The following NCAPD2 variants were observed in gnomAD, a reference collection of about 807,000 sequenced individuals.
The protein encoded by NCAPD2 is condensin complex subunit 1.
NCAPD2 carries 100 observed loss-of-function variants against 164.5 expected under a neutral mutation model. The observed-to-expected ratio is 0.61, with a 90% confidence interval of 0.52 to 0.72. The LOEUF (loss-of-function observed/expected upper bound fraction) is 0.72. Among genes scored for constraint, NCAPD2 ranks in the 30% least tolerant of loss-of-function variants. The pLI, the probability that NCAPD2 is intolerant of heterozygous loss-of-function variation, is 0.00. For synonymous variants in NCAPD2, 585 were observed against 642.6 expected (o/e 0.91, Z 1.36); for missense variants, 1,560 against 1,749.2 (o/e 0.89, Z 1.93).
chr12:6,503,135 G>A (rs1272087769), intron 2 of NCAPD2, among the ~76,000 whole-genome samples: 2 of 151,352 alleles, frequency 1.3e-5, no homozygotes, highest in Non-Finnish European at 2.9e-5. Context: ...GATTACAGGC[G>A]TGAGCCACCA....
intron 2 of NCAPD2, among the ~76,000 whole-genome samples, chr12:6,497,341 A>AGTTT (rs1945993704): frequency 2.0e-5 from 3 of 151,214 alleles, no homozygotes; most frequent in Admixed American, 2.0e-4. Flanking sequence ...AGGATGTGCA[A>AGTTT]GTTTGTTACA....
Position 6,526,309 on chromosome 12 carries a change from C to G in NCAPD2, c.2504C>G (p.Pro835Arg), listed in dbSNP as rs1290527575. ...RRKPSLGKRHPPFRLPQEHRL... is the reference protein window; with the variant it reads ...RRKPSLGKRHRPFRLPQEHRL... ...CAGCCTTCTCTGGGCAAACGTCACCCCCCCTTCCGGCTGCCTCAGGAACAC... is the reference window on the plus strand; with the variant it reads ...CAGCCTTCTCTGGGCAAACGTCACCGCCCCTTCCGGCTGCCTCAGGAACAC... Residue 835 changes from proline (P) to arginine (R), a missense_variant, in exon 20 of 32, where the codon CCC (proline) becomes CGC (arginine). Coordinates refer to ENST00000315579, the MANE Select transcript of NCAPD2 (RefSeq NM_014865.4). 6.2e-7 allele frequency: 1 copy of G among 1,614,196 alleles called. No homozygotes were observed. The highest frequency in any genetic ancestry group is 8.5e-7 in the Non-Finnish European group (1 of 1,180,030).
Position 6,528,711 on chromosome 12 carries a change from C to T in NCAPD2, c.3332C>T (p.Thr1111Ile), listed in dbSNP as rs1364339867. 2.5e-6 allele frequency: 4 copies of T among 1,613,866 alleles called. No individual in the cohort carries two copies. The highest frequency in any genetic ancestry group is 2.2e-5 in the South Asian group (2 of 91,088). ...GACCCTGCTCAGCAAGTGCGGAAAA[C>T]AGCGGGGCTGGTGATGACCCACCTG... The part of the protein sequence containing the change: ...LRDPAQQVRK[T>I]AGLVMTHLIL... The change falls in exon 26 of 32, where the codon ACA becomes ATA. Residue 1111 changes from threonine to isoleucine, a missense_variant. Transcript: ENST00000315579. This position sits in a 1 kb window ranked among gnomAD's most constrained non-coding sequence, Gnocchi z 5.1.
chr12:6,514,344 A>G lies in NCAPD2; in HGVS notation c.667A>G (p.Ile223Val). Residue 223 changes from isoleucine to valine, a missense_variant, in exon 7 of 32, where the codon ATA becomes GTA. Coordinates refer to ENST00000315579, the MANE Select transcript of NCAPD2 (RefSeq NM_014865.4). The stretch of plus-strand genomic sequence containing the variant: ...GAAGAACCGCCCCACTCGGGAAGCC[A>G]TAACACACCTGCTTGGTGTAGCCTT... The part of the protein sequence containing the change: ...HQKNRPTREA[I>V]THLLGVALTR... 6.8e-6 allele frequency: 11 copies of G among 1,614,228 alleles called. No individual in the cohort carries two copies. The highest frequency in any genetic ancestry group is 1.3e-5 in the African/African-American group (1 of 75,048).
intron 2 of NCAPD2, among the ~76,000 whole-genome samples, chr12:6,509,014 A>T (rs1472968273): frequency 6.6e-6 from 1 of 152,120 alleles, no homozygotes; most frequent in Admixed American, 6.6e-5. Flanking sequence ...GAGGAAGGAG[A>T]CCTGACAACT....
At chr12:6,502,469 C>T (rs956625868) in intron 2 of NCAPD2, among the ~76,000 whole-genome samples, 11 of 152,118 alleles carry the variant, frequency 7.2e-5, no homozygotes, top group African/African-American at 2.4e-4. Flanking sequence ...ATGAGTTTAA[C>T]GTAAGACTAG....
intron 4 of NCAPD2, 41 bp downstream of exon 4, chr12:6,510,174 T>C (rs1239691200): frequency 1.3e-6 from 2 of 1,547,268 alleles, no homozygotes; most frequent in Non-Finnish European, 1.8e-6. Flanking sequence ...AGGTGTTTGT[T>C]ATCGTTTGTT....
rs1322519586 is a variant in NCAPD2 at position 6,514,393 on chromosome 12, G to A, written c.715+1G>A. On this transcript the variant is annotated splice_donor_variant, in intron 7 of 31. Coordinates refer to ENST00000315579, the MANE Select transcript of NCAPD2 (RefSeq NM_014865.4). LOFTEE classifies it high-confidence loss of function. ...TTGACCCGTTATAACCATATGCTCA[G>A]TAAGTTACCAGTCGCTTTGCCCCGC... 2.5e-6 allele frequency: 4 copies of A among 1,614,062 alleles called. No individual in the cohort carries two copies. The Admixed American group carries it at 5.0e-5, about 20-fold the overall frequency.
At chr12:6,524,648 CAAAAAAAAAA>C (rs35443041) in intron 17 of NCAPD2, among the ~76,000 whole-genome samples, 64 of 66,576 alleles carry the variant, frequency 9.6e-4, no homozygotes, top group African/African-American at 3.5e-3. Context: ...GACTCTGTCT[CAAAAAAAAAA>C]AAAAAAAAAA....
chr12:6,511,347 G>A (rs944336205), intron 6 of NCAPD2, 95 bp downstream of exon 6: 13 of 1,389,830 alleles, frequency 9.4e-6, no homozygotes, highest in Admixed American at 2.2e-5. Flanking sequence ...TTTTTTTTGT[G>A]GGGGGACAGA....
chr12:6,524,696 A>C (rs1369501027), intron 17 of NCAPD2, among the ~76,000 whole-genome samples: 1 of 151,546 alleles, frequency 6.6e-6, no homozygotes, highest in Non-Finnish European at 1.5e-5. Flanking sequence ...TAAAGTTGTG[A>C]ATGTAGGTTG....
In NCAPD2 at chr12:6,500,006, C is replaced by G. The variant is rs141813267; in HGVS notation, c.127+4781C>G. ...GGCGTGGTGGTGCACACCTGTAGTT[C>G]CAGCTACTTGGGAGGCTGGGGTGGG... On this transcript the variant is annotated intron_variant, in intron 2 of 31. Coordinates refer to ENST00000315579, the MANE Select transcript of NCAPD2 (RefSeq NM_014865.4). Among the ~76,000 whole-genome samples, 1,056 of 152,220 alleles carry G rather than the reference C, an allele frequency of 6.9e-3. 11 individuals are homozygous for G. The highest frequency in any genetic ancestry group is 0.024 in the African/African-American group (1,000 of 41,532).
intron 13 of NCAPD2, among the ~76,000 whole-genome samples, chr12:6,518,516 T>TGTTG (rs1204120574): frequency 9.1e-6 from 1 of 110,418 alleles, no homozygotes; most frequent in South Asian, 3.5e-4. Flanking sequence ...TTTTTTTTTT[T>TGTTG]TTTTTTTTTT....
intron 2 of NCAPD2, among the ~76,000 whole-genome samples, chr12:6,501,255 T>TTC (rs1946032982): frequency 2.2e-5 from 2 of 89,432 alleles, no homozygotes; most frequent in Admixed American, 2.5e-4. Flanking sequence ...TTTTTTTTTT[T>TTC]TTTTAGGCAG....
At position 6,521,876 on chromosome 12, in the gene NCAPD2, A is replaced by C. The variant is rs200329416; in HGVS notation, c.1793A>C (p.Asn598Thr). The C allele has an allele frequency of 6.2e-7, 1 of 1,614,032 alleles. No individual in the cohort carries two copies. Among genetic ancestry groups the C allele is most frequent in the Non-Finnish European group, 8.5e-7 (1 of 1,180,038 alleles). ...NMVTGQTVCK[N>T]KPNMSDPEES... The stretch of plus-strand genomic sequence containing the variant: ...GTCACAGGACAGACTGTCTGTAAAA[A>C]TAAACCCAATATGTCGGATCCTGAG... The change falls in exon 15 of 32, where the codon AAT becomes ACT. Residue 598 changes from asparagine (N) to threonine (T), a missense_variant. Coordinates refer to ENST00000315579, the MANE Select transcript of NCAPD2 (RefSeq NM_014865.4).
chr12:6,495,010 A>T, intron 1 of NCAPD2, 66 bp from the exon 2 acceptor site: 1 of 1,519,278 alleles, frequency 6.6e-7, no homozygotes, highest in Non-Finnish European at 9.0e-7. Flanking sequence ...ATGGGAAAGT[A>T]ATAGAACCAG....
At chr12:6,521,460 T>C (rs1946262877) in intron 14 of NCAPD2, among the ~76,000 whole-genome samples, 1 of 152,126 alleles carries the variant, frequency 6.6e-6, no homozygotes, top group African/African-American at 2.4e-5. Flanking sequence ...GGCAGGAGGA[T>C]TGCTTGAGCC....
chr12:6,508,057 G>A lies in NCAPD2; in HGVS notation c.128-1660G>A, dbSNP rs917820275. Among the ~76,000 whole-genome samples, 9 of 152,206 alleles carry A rather than the reference G, an allele frequency of 5.9e-5. 1 individual carries two copies. Among genetic ancestry groups the A allele is most frequent in the Admixed American group, 5.9e-4 (9 of 15,290 alleles). On this transcript the variant is annotated intron_variant, in intron 2 of 31. Transcript: ENST00000315579. Reference sequence around the variant, plus strand: ...GAAAAAAAAATTAGCTGGGCCGGGCGCAGTGGCTCACGCCTGTAATCCCAG... The same window carrying A: ...GAAAAAAAAATTAGCTGGGCCGGGCACAGTGGCTCACGCCTGTAATCCCAG...
At position 6,526,931 on chromosome 12, in the gene NCAPD2, C is replaced by T. The variant is rs1946323099; in HGVS notation, c.2775C>T (p.Asn925=). The change falls in exon 22 of 32, where the codon AAC becomes AAT. Residue 925 remains asparagine (N), a synonymous_variant. Transcript: ENST00000315579. ...PAMLPTFLLM[N]LLSLAGDVAL... is the part of the protein sequence containing the mutation. ...TGCTCCCCACTTTCCTGTTGATGAACCTGCTGTCCCTGGCTGGGGATGTGG... is the reference window on the plus strand; with the variant it reads ...TGCTCCCCACTTTCCTGTTGATGAATCTGCTGTCCCTGGCTGGGGATGTGG... 6.2e-7 allele frequency: 1 copy of T among 1,613,936 alleles called. No individual in the cohort carries two copies. The highest frequency in any genetic ancestry group is 8.5e-7 in the Non-Finnish European group (1 of 1,179,972).
Sources: allele counts gnomAD v4.1 joint callset (sites outside exome capture counted in the v4.1 genomes callset), GRCh38; gene constraint gnomAD v4.1.1; non-coding constraint Gnocchi (gnomAD v3.1); transcripts MANE v1.5; gene names NCBI Gene and HGNC (gene_info 2026-07-23, HGNC 2026-07-21).